SNTB1: variants seen among roughly 807,000 people sequenced by gnomAD.
SNTB1 encodes the protein syntrophin beta 1.
In SNTB1, 36 loss-of-function variants were observed where a neutral mutation model predicts 48.9. The ratio of observed to expected loss-of-function variants is 0.74; its 90% CI spans 0.56 to 0.97. The LOEUF is 0.97. SNTB1 is among the 50% of genes least tolerant of loss of function. SNTB1 has a pLI of 0.00. For synonymous variants in SNTB1, 299 were observed against 294.6 expected (o/e 1.01, Z -0.15); for missense variants, 786 against 703.4 (o/e 1.12, Z -1.33).
chr8:120,585,729 A>T (rs988516196), intron 3 of SNTB1, among the ~76,000 whole-genome samples: 1 of 72,222 alleles, frequency 1.4e-5, no homozygotes, highest in Non-Finnish European at 4.1e-5. Flanking sequence ...TTACTTTAGC[A>T]AATCCTGTTT....
chr8:120,669,822 T>G (rs1481313498), intron 2 of SNTB1, among the ~76,000 whole-genome samples: 2 of 151,988 alleles, frequency 1.3e-5, no homozygotes, highest in African/African-American at 4.8e-5. Flanking sequence ...AGGCCTGGAG[T>G]GGGGTCTGAA....
intron 4 of SNTB1, among the ~76,000 whole-genome samples, chr8:120,571,838 T>C (rs144566026): frequency 0.013 from 1,981 of 152,248 alleles, 52 homozygotes; most frequent in African/African-American, 0.045. Flanking sequence ...TATTTTACTT[T>C]AGTAGCCATT....
At chr8:120,590,670 G>GTTTTC (rs1348669683) in intron 3 of SNTB1, among the ~76,000 whole-genome samples, 2 of 139,486 alleles carry the variant, frequency 1.4e-5, no homozygotes, top group East Asian at 2.0e-4. Context: ...TCTTTCTTTT[G>GTTTTC]TTTTCTTTTC....
At chr8:120,637,000 G>T in intron 2 of SNTB1, 1 of 330,526 alleles carries the variant, frequency 3.0e-6, no homozygotes, top group Non-Finnish European at 6.0e-6. Context: ...TTCTTGGCCT[G>T]AGGATTTAAT....
intron 2 of SNTB1, among the ~76,000 whole-genome samples, chr8:120,634,599 G>A (rs1476839252): frequency 1.3e-5 from 2 of 152,216 alleles, no homozygotes; most frequent in Admixed American, 1.3e-4. Context: ...GTCTCCTGCA[G>A]TGATGTGAAG....
chr8:120,651,603 A>T (rs1817412271), intron 2 of SNTB1, among the ~76,000 whole-genome samples: 1 of 152,242 alleles, frequency 6.6e-6, no homozygotes, highest in South Asian at 2.1e-4. Flanking sequence ...CAAAAGAACC[A>T]TTTTGTAGGG....
intron 2 of SNTB1, among the ~76,000 whole-genome samples, chr8:120,679,370 A>C (rs1817891894): frequency 6.6e-6 from 1 of 152,190 alleles, no homozygotes; most frequent in African/African-American, 2.4e-5. Context: ...GTCTCAATTT[A>C]GGCAATATCT....
At chr8:120,800,389 C>T (rs997808954) in intron 1 of SNTB1, among the ~76,000 whole-genome samples, 1 of 152,032 alleles carries the variant, frequency 6.6e-6, no homozygotes, top group Non-Finnish European at 1.5e-5. Flanking sequence ...TCAAATTATC[C>T]ATCCAGTGAG....
intron 1 of SNTB1, among the ~76,000 whole-genome samples, chr8:120,722,023 A>G (rs1818668706): frequency 6.6e-6 from 1 of 152,114 alleles, no homozygotes; most frequent in Non-Finnish European, 1.5e-5. Flanking sequence ...TTTGCTGAGA[A>G]TGATGGTTTC....
At chr8:120,739,210 T>C (rs1047263165) in intron 1 of SNTB1, among the ~76,000 whole-genome samples, 1 of 152,212 alleles carries the variant, frequency 6.6e-6, no homozygotes, top group East Asian at 1.9e-4. Context: ...TACCTGTTTA[T>C]TTATACTCAA....
intron 1 of SNTB1, among the ~76,000 whole-genome samples, chr8:120,763,904 GC>G (rs747188150): frequency 2.8e-4 from 42 of 152,098 alleles, no homozygotes; most frequent in East Asian, 2.3e-3. Context: ...CGATTCTCCT[GC>G]CTTGGCCTTC....
chr8:120,554,059 T>C (rs1376917194), intron 4 of SNTB1, among the ~76,000 whole-genome samples: 1 of 152,220 alleles, frequency 6.6e-6, no homozygotes, highest in Non-Finnish European at 1.5e-5. Context: ...TTCATTCCAT[T>C]CAACATCATT....
intron 1 of SNTB1, among the ~76,000 whole-genome samples, chr8:120,720,711 T>G (rs1818645036): frequency 1.3e-5 from 2 of 152,228 alleles, no homozygotes; most frequent in African/African-American, 4.8e-5. Flanking sequence ...AGAGGTGACT[T>G]GCAGAAGTCA....
At chr8:120,763,328 C>G (rs899953181) in intron 1 of SNTB1, among the ~76,000 whole-genome samples, 1 of 152,134 alleles carries the variant, frequency 6.6e-6, no homozygotes, top group Non-Finnish European at 1.5e-5. Context: ...GCTTACCAAA[C>G]CCTGAAGAAA....
At chr8:120,610,568 C>A (rs1168547432) in intron 3 of SNTB1, among the ~76,000 whole-genome samples, 1 of 152,064 alleles carries the variant, frequency 6.6e-6, no homozygotes, top group Admixed American at 6.5e-5. Context: ...TTTTCCAGAG[C>A]AGGAGTGGAA....
chr8:120,553,814 A>G (rs1815521153), intron 4 of SNTB1, among the ~76,000 whole-genome samples: 3 of 152,192 alleles, frequency 2.0e-5, no homozygotes, highest in African/African-American at 7.2e-5. Flanking sequence ...CCTGACTAAT[A>G]TGGTGAAACC....
intron 2 of SNTB1, among the ~76,000 whole-genome samples, chr8:120,665,769 T>G (rs1817664202): frequency 6.6e-6 from 1 of 152,202 alleles, no homozygotes; most frequent in Non-Finnish European, 1.5e-5. Flanking sequence ...ATTGAAGTAC[T>G]TTTTGCATTT....
intron 1 of SNTB1, among the ~76,000 whole-genome samples, chr8:120,720,869 C>T (rs1354551220): frequency 6.6e-6 from 1 of 152,212 alleles, no homozygotes; most frequent in Non-Finnish European, 1.5e-5. Context: ...TACCCTTCCA[C>T]AGGAGCCTCC....
intron 1 of SNTB1, among the ~76,000 whole-genome samples, chr8:120,805,882 G>T (rs1376134901): frequency 6.6e-6 from 1 of 152,178 alleles, no homozygotes; most frequent in Non-Finnish European, 1.5e-5. Flanking sequence ...GCCTGTGCTT[G>T]AATCTAAGAC....
Sources: gnomAD v4.1 joint callset for allele counts (sites outside exome capture counted in the v4.1 genomes callset) on GRCh38, gnomAD v4.1.1 for gene constraint, MANE v1.5 for transcripts, NCBI Gene and HGNC (gene_info 2026-07-23, HGNC 2026-07-21) for gene names.